HPSE2: variants seen among roughly 807,000 people sequenced by gnomAD.
HPSE2 encodes heparanase 2 (inactive), also known as inactive heparanase-2.
In HPSE2, 38 loss-of-function variants were observed where a neutral mutation model predicts 60.5. That is an observed-to-expected ratio of 0.63 (90% CI 0.48 to 0.82). The LOEUF (loss-of-function observed/expected upper bound fraction) is 0.82. Ranked by LOEUF, HPSE2 falls within the 40% of genes least tolerant of loss-of-function variation. The probability of loss-of-function intolerance (pLI) is 0.00; values close to 1 mark genes in which losing one functional copy is unlikely to be tolerated. For synonymous variants in HPSE2, 295 were observed against 293.2 expected, an observed-to-expected ratio of 1.01 and a Z score of -0.06; for missense variants, 713 against 740.4, an observed-to-expected ratio of 0.96 and a Z score of 0.43.
intron 2 of HPSE2, among the ~76,000 whole-genome samples, chr10:99,196,988 T>G (rs1589808458): frequency 6.6e-6 from 1 of 152,090 alleles, no homozygotes; most frequent in South Asian, 2.1e-4. Flanking sequence ...CATCAACAGA[T>G]GAGTGAATAA....
intron 3 of HPSE2, among the ~76,000 whole-genome samples, chr10:99,034,482 T>C (rs1401316660): frequency 6.6e-6 from 1 of 151,998 alleles, no homozygotes; most frequent in African/African-American, 2.4e-5. Flanking sequence ...AGAGTAAAGC[T>C]TATTGTTTCT....
At chr10:98,959,516 C>T (rs2135225785) in intron 3 of HPSE2, among the ~76,000 whole-genome samples, 1 of 152,172 alleles carries the variant, frequency 6.6e-6, no homozygotes, top group South Asian at 2.1e-4. Context: ...TTTAAAGCAT[C>T]AAAGCACTGT....
chr10:99,031,225 C>A (rs1258360300), intron 3 of HPSE2, among the ~76,000 whole-genome samples: 2 of 152,004 alleles, frequency 1.3e-5, no homozygotes, highest in Non-Finnish European at 2.9e-5. Flanking sequence ...ACCTTGCATG[C>A]CATACCAAAA....
chr10:99,290,440 C>A, the HPSE2 span, among the ~76,000 whole-genome samples: 3 of 152,292 alleles, frequency 2.0e-5, no homozygotes, highest in African/African-American at 7.2e-5. Flanking sequence ...TCCAGGAGGG[C>A]AAAGGGTGCC....
At chr10:98,965,473 T>G (rs1955789988) in intron 3 of HPSE2, among the ~76,000 whole-genome samples, 1 of 151,890 alleles carries the variant, frequency 6.6e-6, no homozygotes, top group Admixed American at 6.6e-5. Flanking sequence ...TGACACATGG[T>G]AGGCATTCAA....
At chr10:99,289,489 C>T in the HPSE2 span, among the ~76,000 whole-genome samples, 1 of 151,910 alleles carries the variant, frequency 6.6e-6, no homozygotes, top group Non-Finnish European at 1.5e-5. Context: ...TTTTAGAATG[C>T]AGTTTATATT....
At chr10:98,600,792 GTA>G (rs1199577777) in intron 9 of HPSE2, among the ~76,000 whole-genome samples, 1 of 58,266 alleles carries the variant, frequency 1.7e-5, no homozygotes, top group East Asian at 1.1e-3. Context: ...AAACATGTAT[GTA>G]TATATACACG....
intron 3 of HPSE2, among the ~76,000 whole-genome samples, chr10:99,112,425 T>G (rs200582215): frequency 6.1e-4 from 60 of 97,738 alleles, no homozygotes; most frequent in African/African-American, 1.6e-3. Context: ...GTGTTTTGTT[T>G]TGTTTTGTTT....
chr10:99,000,524 C>T (rs1288180252), intron 3 of HPSE2, among the ~76,000 whole-genome samples: 3 of 152,056 alleles, frequency 2.0e-5, no homozygotes, highest in African/African-American at 7.2e-5. Flanking sequence ...ACAAAGCATA[C>T]ACTCAGAGGT....
chr10:99,084,835 CT>C (rs1017726509), intron 3 of HPSE2, among the ~76,000 whole-genome samples: 1 of 152,158 alleles, frequency 6.6e-6, no homozygotes, highest in African/African-American at 2.4e-5. Flanking sequence ...CAACTTGCCC[CT>C]GTTACCACTG....
At chr10:98,775,289 G>A (rs890485240) in intron 3 of HPSE2, among the ~76,000 whole-genome samples, 1 of 152,160 alleles carries the variant, frequency 6.6e-6, no homozygotes, top group Non-Finnish European at 1.5e-5. Flanking sequence ...TTTGCATATT[G>A]TGCCTCAGCA....
At chr10:98,915,763 T>C (rs141036147) in intron 3 of HPSE2, among the ~76,000 whole-genome samples, 1 of 151,996 alleles carries the variant, frequency 6.6e-6, no homozygotes. Context: ...AATTTTCAAG[T>C]GGGAAAAGAA....
At chr10:98,730,233 T>G (rs941205476) in intron 4 of HPSE2, among the ~76,000 whole-genome samples, 1 of 152,004 alleles carries the variant, frequency 6.6e-6, no homozygotes, top group African/African-American at 2.4e-5. Flanking sequence ...AATAATCCAT[T>G]GATCAAAGAA....
the HPSE2 span, among the ~76,000 whole-genome samples, chr10:99,306,714 G>GT: frequency 6.6e-6 from 1 of 151,998 alleles, no homozygotes; most frequent in African/African-American, 2.4e-5. Context: ...TTGTTTGTTT[G>GT]TTTTTTGTTT....
intron 3 of HPSE2, among the ~76,000 whole-genome samples, chr10:98,866,375 G>A (rs923991424): frequency 6.6e-6 from 1 of 151,986 alleles, no homozygotes; most frequent in Non-Finnish European, 1.5e-5. Flanking sequence ...TCAGCTCTGG[G>A]ACAACTTCAA....
chr10:98,774,772 G>C (rs1950305967), intron 3 of HPSE2, among the ~76,000 whole-genome samples: 1 of 152,180 alleles, frequency 6.6e-6, no homozygotes, highest in Non-Finnish European at 1.5e-5. Context: ...ACTGGGCTCA[G>C]TGTTTCCTTT....
chr10:99,195,074 G>A (rs559041227), intron 2 of HPSE2, among the ~76,000 whole-genome samples: 56 of 152,062 alleles, frequency 3.7e-4, no homozygotes, highest in African/African-American at 9.9e-4. Flanking sequence ...AGGATGGCTC[G>A]ACATAGGCAA....
chr10:98,754,276 T>C (rs1057456599), intron 3 of HPSE2, among the ~76,000 whole-genome samples: 2 of 152,096 alleles, frequency 1.3e-5, no homozygotes, highest in African/African-American at 4.8e-5. Flanking sequence ...CGAAGGCTAG[T>C]TCTTTGAATC....
At chr10:99,299,101 C>T in the HPSE2 span, among the ~76,000 whole-genome samples, 2 of 152,118 alleles carry the variant, frequency 1.3e-5, no homozygotes, top group Admixed American at 1.3e-4. Flanking sequence ...CTCCTAGTTG[C>T]TCCCCATAGG....
Sources: allele counts gnomAD v4.1 joint callset (sites outside exome capture counted in the v4.1 genomes callset), GRCh38; gene constraint gnomAD v4.1.1; transcripts MANE v1.5; gene names NCBI Gene and HGNC (gene_info 2026-07-23, HGNC 2026-07-21).